Variants in PAPSS2 observed in about 807,000 individuals in gnomAD.
PAPSS2 encodes the protein bifunctional 3'-phosphoadenosine 5'-phosphosulfate synthase 2.
Under a neutral mutation model 66.5 loss-of-function variants are expected in PAPSS2, and 61 were observed. That is an observed-to-expected ratio of 0.92 (90% confidence interval 0.75 to 1.14). The LOEUF (loss-of-function observed/expected upper bound fraction) is 1.14. PAPSS2 is among the 50% of genes most tolerant of loss of function. The probability of loss-of-function intolerance (pLI) is 0.00; values close to 1 mark genes in which losing one functional copy is unlikely to be tolerated. For missense variants in PAPSS2, 708 were observed against 789.6 expected, an observed-to-expected ratio of 0.90 and a Z score of 1.24; for synonymous variants, 289 against 287.5, an observed-to-expected ratio of 1.01 and a Z score of -0.05.
intron 1 of PAPSS2, among the ~76,000 whole-genome samples, chr10:87,672,841 AGACT>A (rs1254308036): frequency 2.6e-5 from 4 of 152,242 alleles, no homozygotes; most frequent in Non-Finnish European, 4.4e-5. Flanking sequence ...TTTTTTTAAA[AGACT>A]GATGGGGAGA....
chr10:87,691,674 G>A (rs1375688378), intron 1 of PAPSS2, among the ~76,000 whole-genome samples: 1 of 152,212 alleles, frequency 6.6e-6, no homozygotes, highest in African/African-American at 2.4e-5. Context: ...TGGGGTCAGA[G>A]GAGGAAGTTG....
chr10:87,720,918 T>C (rs1853591597), intron 7 of PAPSS2, among the ~76,000 whole-genome samples: 1 of 152,226 alleles, frequency 6.6e-6, no homozygotes, highest in Admixed American at 6.5e-5. Context: ...TGATCATAAA[T>C]GTCACATTTA....
intron 1 of PAPSS2, among the ~76,000 whole-genome samples, chr10:87,679,765 T>C (rs1339017567): frequency 6.6e-6 from 1 of 152,096 alleles, no homozygotes; most frequent in Non-Finnish European, 1.5e-5. Flanking sequence ...GTGGCTCATG[T>C]CTGTAATCCC....
At chr10:87,704,197 A>C (rs1310199410) in intron 1 of PAPSS2, among the ~76,000 whole-genome samples, 1 of 152,258 alleles carries the variant, frequency 6.6e-6, no homozygotes, top group East Asian at 1.9e-4. Flanking sequence ...TGGCCATCCG[A>C]AAGTATTTAT....
At chr10:87,710,623 T>C (rs2131932729) in intron 2 of PAPSS2, among the ~76,000 whole-genome samples, 1 of 152,324 alleles carries the variant, frequency 6.6e-6, no homozygotes, top group Non-Finnish European at 1.5e-5. Context: ...AAGAGAAACA[T>C]ATCTAAAGGG....
At chr10:87,704,894 A>C (rs955851904) in intron 1 of PAPSS2, among the ~76,000 whole-genome samples, 1 of 152,154 alleles carries the variant, frequency 6.6e-6, no homozygotes, top group African/African-American at 2.4e-5. Flanking sequence ...CACCCACCTC[A>C]GCTTCTCAAA....
intron 1 of PAPSS2, among the ~76,000 whole-genome samples, chr10:87,698,094 C>T (rs4934359): frequency 0.18 from 27,879 of 152,058 alleles, 2,861 homozygotes; most frequent in East Asian, 0.36. Flanking sequence ...GTAAGTATGA[C>T]CTCCATCTGT....
intron 1 of PAPSS2, among the ~76,000 whole-genome samples, chr10:87,685,721 CTGT>C (rs1201947960): frequency 6.6e-6 from 1 of 152,158 alleles, no homozygotes; most frequent in Non-Finnish European, 1.5e-5. Flanking sequence ...ATGTTTCTTT[CTGT>C]TGTTTCCACA....
At chr10:87,723,696 C>T (rs1564724305) in intron 8 of PAPSS2, among the ~76,000 whole-genome samples, 2 of 152,104 alleles carry the variant, frequency 1.3e-5, no homozygotes, top group South Asian at 4.1e-4. Flanking sequence ...TTTCCGGTGA[C>T]ATTCTTTAGG....
In PAPSS2 at chr10:87,703,940, C is replaced by T. The variant is rs764419704; in HGVS notation, c.28-5256C>T. ...ATTTTTTCCTTTAACATGTGTTTTGCTTTCTATAGAGAGAATCCTTTTTCT... is the reference window on the plus strand; with the variant it reads ...ATTTTTTCCTTTAACATGTGTTTTGTTTTCTATAGAGAGAATCCTTTTTCT... On this transcript the variant is annotated intron_variant, in intron 1 of 12. Coordinates refer to ENST00000456849, the MANE Select transcript of PAPSS2 (RefSeq NM_001015880.2). 4.8e-5 allele frequency: 24 copies of T among 495,704 alleles called. 1 individual carries two copies. In the Middle Eastern group the frequency reaches 1.3e-3, roughly 27 times the overall value. The allele number at this position is 495,704 out of a possible 1,614,324, so 30.7% of individuals were successfully genotyped here.
chr10:87,689,307 C>A (rs1300337688), intron 1 of PAPSS2, among the ~76,000 whole-genome samples: 1 of 149,374 alleles, frequency 6.7e-6, no homozygotes, highest in Non-Finnish European at 1.5e-5. Context: ...GCCACTGCAC[C>A]CCAGCCTAGG....
intron 1 of PAPSS2, among the ~76,000 whole-genome samples, chr10:87,672,902 T>A (rs1207335752): frequency 6.6e-6 from 1 of 152,230 alleles, no homozygotes; most frequent in African/African-American, 2.4e-5. Context: ...TATATGAAAT[T>A]AAAATTTTAG....
At chr10:87,700,541 C>T (rs1441128966) in intron 1 of PAPSS2, among the ~76,000 whole-genome samples, 5 of 151,726 alleles carry the variant, frequency 3.3e-5, no homozygotes, top group Non-Finnish European at 5.9e-5. Flanking sequence ...GCCTGTAGTC[C>T]CAGCTACTGA....
intron 1 of PAPSS2, among the ~76,000 whole-genome samples, chr10:87,685,802 G>T (rs1443285933): frequency 2.0e-5 from 3 of 152,158 alleles, no homozygotes; most frequent in Non-Finnish European, 1.5e-5. Context: ...CTTGTGTCAG[G>T]AGCCCATGTG....
At chr10:87,709,512 A>G (rs917139843) in intron 2 of PAPSS2, among the ~76,000 whole-genome samples, 199 bp downstream of exon 2, 135 of 152,184 alleles carry the variant, frequency 8.9e-4, no homozygotes, top group Non-Finnish European at 5.6e-4. Context: ...CAGAAATAAG[A>G]GTCTGATCAA....
chr10:87,743,594 A>G lies in PAPSS2; in HGVS notation c.1444A>G (p.Ile482Val), dbSNP rs760626908. The change falls in exon 11 of 13, where the codon ATT becomes GTT. Residue 482 changes from isoleucine to valine, a missense_variant. Transcript: ENST00000456849. ...EEGVLDPKST[I>V]VAIFPSPMLY... ...AGGGGTCCTGGATCCCAAGTCAACC[A>G]TTGTTGCCATCTTTCCGTCTCCCAT... is the stretch of plus-strand genomic sequence containing the variant. The G allele has an allele frequency of 8.7e-6, 14 of 1,613,986 alleles. No homozygotes were observed. The Admixed American group carries it at 2.2e-4, about 25-fold the overall frequency.
At chr10:87,717,289 C>G (rs990070641) in intron 7 of PAPSS2, among the ~76,000 whole-genome samples, 6 of 152,164 alleles carry the variant, frequency 3.9e-5, no homozygotes, top group African/African-American at 1.4e-4. Flanking sequence ...GACAAGTGAA[C>G]TACATTGAAA....
intron 1 of PAPSS2, among the ~76,000 whole-genome samples, chr10:87,706,108 A>ATATATATATATATATATATGTGTG: frequency 1.9e-5 from 1 of 52,000 alleles, no homozygotes; most frequent in African/African-American, 1.0e-4. Context: ...ATATATATAT[A>ATATATATATATATATATATGTGTG]TGTGTGTGTG....
rs1853382787 is a variant in PAPSS2 at position 87,706,103 on chromosome 10, T to TAC, written c.28-3092_28-3091insCA. Among the ~76,000 whole-genome samples the TAC allele has an allele frequency of 4.6e-5, 5 of 108,908 alleles. 1 individual carries two copies. The highest frequency in any genetic ancestry group is 2.2e-4 in the African/African-American group (5 of 22,628). The allele number at this position is 108,908 out of a possible 152,430, so 71.4% of individuals were successfully genotyped here. ...CACATGGTATATATATATATATATATATATATGTGTGTGTGTGTGTGTGTG... is the reference window on the plus strand; with the variant it reads ...CACATGGTATATATATATATATATATACATATATGTGTGTGTGTGTGTGTGTG... On this transcript the variant is annotated intron_variant, in intron 1 of 12. Coordinates refer to ENST00000456849, the MANE Select transcript of PAPSS2 (RefSeq NM_001015880.2).
Sources: allele counts gnomAD v4.1 joint callset (sites outside exome capture counted in the v4.1 genomes callset), GRCh38; gene constraint gnomAD v4.1.1; transcripts MANE v1.5; gene names NCBI Gene and HGNC (gene_info 2026-07-23, HGNC 2026-07-21).